Variants in INTS4 observed in about 807,000 individuals in gnomAD.
INTS4 encodes integrator complex subunit 4, also known as MSTP093.
Under a neutral mutation model 119.5 loss-of-function variants are expected in INTS4, and 70 were observed. The ratio of observed to expected loss-of-function variants is 0.59; its 90% CI spans 0.48 to 0.71. The LOEUF (loss-of-function observed/expected upper bound fraction) is 0.71, where lower values mean the gene tolerates loss of function less well. Ranked by LOEUF, INTS4 falls within the 30% of genes least tolerant of loss-of-function variation. The pLI, the probability that INTS4 is intolerant of heterozygous loss-of-function variation, is 0.00. For missense variants in INTS4, 867 were observed against 1,173.2 expected (o/e 0.74, Z 3.81); for synonymous variants, 316 against 419.6 (o/e 0.75, Z 3.02).
chr11:77,983,498 C>T (rs11601908), intron 2 of INTS4, among the ~76,000 whole-genome samples: 58,393 of 151,932 alleles, frequency 0.38, 11,394 homozygotes, highest in African/African-American at 0.42. Flanking sequence ...AGAGAAACAA[C>T]CCAAATCAAA....
chr11:77,877,628 T>C (rs1951635233), downstream of INTS4, among the ~76,000 whole-genome samples: 1 of 152,248 alleles, frequency 6.6e-6, no homozygotes, highest in South Asian at 2.1e-4. Flanking sequence ...GCTTTATTAC[T>C]TACTGTACAG....
chr11:77,928,356 G>A lies in INTS4; in HGVS notation c.1357C>T (p.Leu453=), dbSNP rs375319525. Reference sequence around the variant, plus strand: ...GAAACACTCACCTCTAGCACAGCCAGGACAGTGTCAAGCTGATCTTCTCGG... The same window carrying A: ...GAAACACTCACCTCTAGCACAGCCAAGACAGTGTCAAGCTGATCTTCTCGG... ...TLREDQLDTV[L]AVLEDSSRDI... is the part of the protein sequence containing the mutation. The change falls in exon 11 of 23, where the codon CTG becomes TTG. Residue 453 remains leucine (L), a synonymous_variant. Transcript: ENST00000534064. 1.2e-4 allele frequency: 200 copies of A among 1,613,224 alleles called. 2 individuals carry two copies. In the East Asian group the frequency reaches 1.7e-3, roughly 14 times the overall value.
intron 21 of INTS4, among the ~76,000 whole-genome samples, chr11:77,890,557 C>T (rs1287330325): frequency 6.6e-6 from 1 of 151,948 alleles, no homozygotes; most frequent in Non-Finnish European, 1.5e-5. Context: ...TTTTAGGAGA[C>T]AGTCTAGGAG....
intron 4 of INTS4, chr11:77,963,372 A>C (rs1317957422): frequency 3.1e-6 from 1 of 321,186 alleles, no homozygotes; most frequent in Non-Finnish European, 6.0e-6. Flanking sequence ...AAAAAAAAAA[A>C]AACAAAAAAA....
At chr11:77,922,534 T>C in intron 12 of INTS4, 63 bp from the exon 13 acceptor site, 2 of 690,166 alleles carry the variant, frequency 2.9e-6, no homozygotes, top group Non-Finnish European at 4.9e-6. Flanking sequence ...TGAAAAGTAC[T>C]AGGAACTGGA....
rs138354017 is a variant in INTS4, at chr11:77,974,984, T to G, written c.471+4012A>C. Among the ~76,000 whole-genome samples, 706 of 152,348 alleles carry G rather than the reference T, an allele frequency of 4.6e-3. 2 individuals carry two copies. The highest frequency in any genetic ancestry group is 7.0e-3 in the Non-Finnish European group (477 of 68,028). On this transcript the variant is annotated intron_variant, in intron 4 of 22. Coordinates refer to ENST00000534064, the MANE Select transcript of INTS4 (RefSeq NM_033547.4). ...AGTCTAGTAATTTGAGTCTTCTCTC[T>G]CTTTCTTGGTCAATATAACTAAAGG...
Position 77,891,820 on chromosome 11 carries a change from G to A in INTS4, c.2309C>T (p.Pro770Leu). Reference sequence around the variant, plus strand: ...GTCCACAAAGCTGTCCTGCAAGTGGGGCAAATCAGCGATGAAATACCTGGA... The same window carrying A: ...GTCCACAAAGCTGTCCTGCAAGTGGAGCAAATCAGCGATGAAATACCTGGA... Reference protein sequence around the residue: ...FFQRYFIADLPHLQDSFVDKL... With the variant: ...FFQRYFIADLLHLQDSFVDKL... The change falls in exon 20 of 23, where the codon CCC (proline) becomes CTC (leucine). Residue 770 changes from proline to leucine, a missense_variant. Pro to Leu is a moderately conservative substitution (Grantham distance 98, BLOSUM62 -3). Around this residue, in one of 5 missense-constraint regions of INTS4, gnomAD observed 262 missense variants for 376.0 expected, o/e 0.70. Coordinates refer to ENST00000534064, the MANE Select transcript of INTS4 (RefSeq NM_033547.4). The A allele has an allele frequency of 1.2e-6, 2 of 1,611,448 alleles. No homozygotes were observed. Among genetic ancestry groups the A allele is most frequent in the Non-Finnish European group, 1.7e-6 (2 of 1,179,522 alleles).
chr11:77,897,443 T>C (rs554626848), intron 18 of INTS4, among the ~76,000 whole-genome samples: 69 of 151,518 alleles, frequency 4.6e-4, no homozygotes, highest in Non-Finnish European at 7.9e-4. Context: ...AACATAAAAA[T>C]TAATAGAAGC....
chr11:77,969,226 T>A (rs1273358549), intron 4 of INTS4, among the ~76,000 whole-genome samples: 3 of 152,124 alleles, frequency 2.0e-5, no homozygotes, highest in Non-Finnish European at 4.4e-5. Flanking sequence ...TGAGCCACCA[T>A]GCCAGGCCTG....
intron 15 of INTS4, among the ~76,000 whole-genome samples, chr11:77,912,341 G>A (rs758513163): frequency 2.7e-5 from 4 of 148,940 alleles, no homozygotes; most frequent in South Asian, 4.3e-4. Context: ...CAGCCTGAAC[G>A]ACAGAGGGAG....
intron 8 of INTS4, among the ~76,000 whole-genome samples, chr11:77,948,691 AAG>A (rs1954111651): frequency 7.0e-6 from 1 of 143,452 alleles, no homozygotes; most frequent in Non-Finnish European, 1.5e-5. Context: ...GAAGAAGAAG[AAG>A]AAGGAAAAAA....
At chr11:77,969,556 C>T (rs1855631130) in intron 4 of INTS4, among the ~76,000 whole-genome samples, 1 of 152,104 alleles carries the variant, frequency 6.6e-6, no homozygotes, top group African/African-American at 2.4e-5. Context: ...AGTTCTTTTG[C>T]ACAGATGAGG....
intron 8 of INTS4, among the ~76,000 whole-genome samples, chr11:77,944,692 C>T (rs1455995034): frequency 1.3e-5 from 2 of 152,178 alleles, no homozygotes; most frequent in Non-Finnish European, 2.9e-5. Context: ...AATCTGAAAT[C>T]CAAAATGCTC....
rs769511912 is a variant in INTS4, at chr11:77,933,438, C to A, written c.1166-4891G>T. 7.3e-4 allele frequency among the ~76,000 whole-genome samples: 111 copies of A among 152,316 alleles called. 1 individual carries two copies. Among genetic ancestry groups the A allele is most frequent in the Admixed American group, 1.3e-3 (20 of 15,308 alleles). On this transcript the variant is annotated intron_variant, in intron 10 of 22. Coordinates refer to ENST00000534064, the MANE Select transcript of INTS4 (RefSeq NM_033547.4). ...ACGGGGTTTCGCTGTGTTGGCCGGG[C>A]TGGTCTCCAGCTCCTAACCGCCAGT...
chr11:77,940,903 G>A (rs1953915294), intron 9 of INTS4, among the ~76,000 whole-genome samples: 1 of 152,166 alleles, frequency 6.6e-6, no homozygotes, highest in African/African-American at 2.4e-5. Context: ...CCAAAGTGCT[G>A]GGATTACAGG....
intron 22 of INTS4, among the ~76,000 whole-genome samples, chr11:77,880,268 C>T (rs968017256): frequency 1.3e-5 from 2 of 152,140 alleles, no homozygotes; most frequent in Admixed American, 6.5e-5. Flanking sequence ...AGTGCCTCCC[C>T]AGACCTCTTC....
chr11:77,903,921 C>A (rs1006196301), intron 16 of INTS4, among the ~76,000 whole-genome samples: 1 of 152,184 alleles, frequency 6.6e-6, no homozygotes, highest in Non-Finnish European at 1.5e-5. Context: ...CGCAGGCAAG[C>A]CAGCTTCCGG....
intron 10 of INTS4, among the ~76,000 whole-genome samples, chr11:77,934,778 A>C (rs1953749702): frequency 6.6e-6 from 1 of 152,254 alleles, no homozygotes; most frequent in Admixed American, 6.5e-5. Context: ...TTCATATTTT[A>C]AGTTCACAGA....
intron 18 of INTS4, among the ~76,000 whole-genome samples, chr11:77,894,825 G>C (rs1178841417): frequency 6.6e-6 from 1 of 152,184 alleles, no homozygotes. Context: ...CCAGTTTCAA[G>C]AATCACTGCA....
Sources: gnomAD v4.1 joint callset for allele counts (sites outside exome capture counted in the v4.1 genomes callset) on GRCh38, gnomAD v4.1.1 for gene constraint, gnomAD v4.1.1 regional missense constraint, MANE v1.5 for transcripts, NCBI Gene and HGNC (gene_info 2026-07-23, HGNC 2026-07-21) for gene names.